Variants in SLC4A4 observed in about 807,000 individuals in gnomAD.
The protein encoded by SLC4A4 is electrogenic sodium bicarbonate cotransporter 1.
In SLC4A4, 27 loss-of-function variants were observed where a neutral mutation model predicts 111.5. That is an observed-to-expected ratio of 0.24 (90% CI 0.18 to 0.33). SLC4A4 has a LOEUF of 0.33. Ranked by LOEUF, SLC4A4 falls within the 10% of genes least tolerant of loss-of-function variation. The probability of loss-of-function intolerance (pLI) is 1.00; values close to 1 mark genes in which losing one functional copy is unlikely to be tolerated. For synonymous variants in SLC4A4, 443 were observed against 463.4 expected, an observed-to-expected ratio of 0.96 and a Z score of 0.57; for missense variants, 909 against 1,315.5, an observed-to-expected ratio of 0.69 and a Z score of 4.78.
intron 9 of SLC4A4, 55 bp downstream of exon 9, chr4:71,447,788 CTGTG>C: frequency 3.6e-6 from 4 of 1,111,632 alleles, no homozygotes; most frequent in Non-Finnish European, 4.1e-6. Flanking sequence ...TGTTGTCATA[CTGTG>C]AATTGGCTGT....
intron 3 of SLC4A4, among the ~76,000 whole-genome samples, chr4:71,286,066 G>A (rs1029478911): frequency 1.7e-4 from 26 of 152,012 alleles, no homozygotes; most frequent in African/African-American, 6.0e-4. Context: ...GTGAAACCCC[G>A]TCTCTACTAA....
chr4:71,242,716 T>A (rs1720343613), intron 2 of SLC4A4, among the ~76,000 whole-genome samples: 1 of 151,356 alleles, frequency 6.6e-6, no homozygotes. Context: ...AATTACTTAA[T>A]TAATTATTTT....
chr4:71,213,822 G>A (rs1379821616), intron 1 of SLC4A4, among the ~76,000 whole-genome samples: 5 of 152,160 alleles, frequency 3.3e-5, no homozygotes, highest in East Asian at 1.9e-4. Flanking sequence ...ATGGTAAGAA[G>A]GTGGCCTTCT....
chr4:71,193,444 C>T (rs931645131), intron 1 of SLC4A4, among the ~76,000 whole-genome samples: 1 of 152,228 alleles, frequency 6.6e-6, no homozygotes, highest in Non-Finnish European at 1.5e-5. Context: ...CAGGCGTGAG[C>T]CACCGCGCCC....
At chr4:71,263,034 C>T (rs564987121) in intron 3 of SLC4A4, among the ~76,000 whole-genome samples, 1 of 142,904 alleles carries the variant, frequency 7.0e-6, no homozygotes, top group African/African-American at 2.6e-5. Flanking sequence ...CCACAACAGG[C>T]CCCGGTGTGT....
intron 7 of SLC4A4, among the ~76,000 whole-genome samples, chr4:71,410,859 T>C (rs997079951): frequency 3.9e-5 from 6 of 152,158 alleles, no homozygotes; most frequent in African/African-American, 1.4e-4. Flanking sequence ...CTTTCCCCTC[T>C]CCTTTCTTGA....
intron 2 of SLC4A4, among the ~76,000 whole-genome samples, chr4:71,164,832 A>G (rs1744700860): frequency 6.6e-6 from 1 of 152,132 alleles, no homozygotes; most frequent in Non-Finnish European, 1.5e-5. Context: ...TCCAGAATCT[A>G]CAAAGAACTT....
chr4:71,364,565 T>G (rs752237246), intron 6 of SLC4A4, among the ~76,000 whole-genome samples: 1 of 152,190 alleles, frequency 6.6e-6, no homozygotes, highest in Non-Finnish European at 1.5e-5. Flanking sequence ...GTGCGTTCTA[T>G]GGATCCTCGC....
At chr4:71,230,707 C>T (rs1036050134) in intron 1 of SLC4A4, among the ~76,000 whole-genome samples, 1 of 152,130 alleles carries the variant, frequency 6.6e-6, no homozygotes, top group Non-Finnish European at 1.5e-5. Context: ...ATCAAAAAGC[C>T]CTGCTATGAA....
intron 7 of SLC4A4, among the ~76,000 whole-genome samples, chr4:71,407,487 C>T (rs1432362309): frequency 6.6e-6 from 1 of 152,288 alleles, no homozygotes; most frequent in East Asian, 1.9e-4. Context: ...GTGAAAGACA[C>T]AACTGTGTGG....
intron 3 of SLC4A4, among the ~76,000 whole-genome samples, chr4:71,294,408 T>C (rs1724615000): frequency 6.6e-6 from 1 of 152,206 alleles, no homozygotes; most frequent in African/African-American, 2.4e-5. Context: ...AAGTTCATGT[T>C]TGGATGTTTT....
chr4:71,217,468 C>G (rs1718502134), intron 1 of SLC4A4, among the ~76,000 whole-genome samples: 2 of 152,132 alleles, frequency 1.3e-5, no homozygotes, highest in Admixed American at 6.5e-5. Flanking sequence ...GAGGCTGAGA[C>G]AGGAGAATTG....
intron 16 of SLC4A4, among the ~76,000 whole-genome samples, chr4:71,526,564 ATACATCATAT>A: frequency 6.6e-6 from 1 of 152,252 alleles, no homozygotes; most frequent in South Asian, 2.1e-4. Context: ...TATTATGTAT[ATACATCATAT>A]TATACGTATC....
At chr4:71,455,743 A>G (rs1726197560) in intron 12 of SLC4A4, among the ~76,000 whole-genome samples, 1 of 152,062 alleles carries the variant, frequency 6.6e-6, no homozygotes, top group African/African-American at 2.4e-5. Context: ...GTATTAGTTT[A>G]TTGCCTTTTT....
rs942957323 is a variant in SLC4A4 at position 71,369,059 on chromosome 4, G to A, written c.730+11872G>A. Among the ~76,000 whole-genome samples, 6 of 152,236 alleles carry A rather than the reference G, an allele frequency of 3.9e-5. No individual in the cohort carries two copies. The East Asian group carries it at 1.2e-3, about 30-fold the overall frequency. ...ACACTAAAGTGCGCAGCCCGCTTGA[G>A]AACTCAGTGCCCTGCCTAGCAACCC... On this transcript the variant is annotated intron_variant, in intron 6 of 25. Transcript: ENST00000264485.
intron 13 of SLC4A4, among the ~76,000 whole-genome samples, chr4:71,466,931 A>AGAGAG (rs1727381732): frequency 1.1e-5 from 1 of 94,820 alleles, no homozygotes; most frequent in Admixed American, 1.1e-4. Context: ...ACAAGACGGG[A>AGAGAG]AGAGAGAGAG....
intron 1 of SLC4A4, among the ~76,000 whole-genome samples, chr4:71,198,876 A>G (rs1746127795): frequency 1.3e-5 from 2 of 152,348 alleles, no homozygotes; most frequent in Non-Finnish European, 1.5e-5. Flanking sequence ...AAGTTTATAC[A>G]GTGGGTATTT....
intron 2 of SLC4A4, among the ~76,000 whole-genome samples, chr4:71,133,963 G>A (rs1743777766): frequency 6.6e-6 from 1 of 152,136 alleles, no homozygotes; most frequent in African/African-American, 2.4e-5. Flanking sequence ...TCTGGAGGCT[G>A]TCCTAGGCCT....
rs1427599812 is a variant in SLC4A4, at chr4:71,567,886, C to T, written c.*135C>T. The stretch of plus-strand genomic sequence containing the variant: ...TGGAGGAGCAAGGGAACAGAAACTA[C>T]ATTGTAACCTGTTTGTCTTTCTTAA... On this transcript the variant is annotated 3_prime_UTR_variant, in exon 26 of 26. Coordinates refer to ENST00000264485, the MANE Select transcript of SLC4A4 (RefSeq NM_001098484.3). 1 of 1,471,486 alleles carries T rather than the reference C, an allele frequency of 6.8e-7. No homozygotes were observed. The highest frequency in any genetic ancestry group is 2.1e-5 in the Admixed American group (1 of 48,202). 91.2% of individuals were successfully genotyped at this position (1,471,486 alleles called of 1,614,324 possible).
Sources: gnomAD v4.1 joint callset for allele counts (sites outside exome capture counted in the v4.1 genomes callset) on GRCh38, gnomAD v4.1.1 for gene constraint, MANE v1.5 for transcripts, NCBI Gene and HGNC (gene_info 2026-07-23, HGNC 2026-07-21) for gene names.